NUF2: variants seen among roughly 807,000 people sequenced by gnomAD.
NUF2 encodes the protein NUF2 component of NDC80 kinetochore complex, also known as kinetochore protein Nuf2.
Under a neutral mutation model 61.8 loss-of-function variants are expected in NUF2, and 34 were observed. The ratio of observed to expected loss-of-function variants is 0.55; its 90% CI spans 0.42 to 0.73. NUF2 has a LOEUF of 0.73. NUF2 is among the 30% of genes least tolerant of loss of function. The pLI is 0.00. For missense variants in NUF2, 445 were observed against 539.1 expected (o/e 0.83, Z 1.73); for synonymous variants, 172 against 181.6 (o/e 0.95, Z 0.42).
intron 3 of NUF2, chr1:163,327,836 T>C (rs962699187): frequency 1.7e-5 from 7 of 403,768 alleles, no homozygotes; most frequent in Non-Finnish European, 2.6e-5. Context: ...TATAGATTTA[T>C]AGGTTTGTTT....
intron 1 of NUF2, among the ~76,000 whole-genome samples, chr1:163,325,414 T>C (rs1650384609): frequency 6.6e-6 from 1 of 152,194 alleles, no homozygotes; most frequent in African/African-American, 2.4e-5. Context: ...TAGGAATAAC[T>C]CACTACGTGA....
rs1488539668 is a variant in NUF2 at position 163,342,061 on chromosome 1, T to C, written c.669+1635T>C. ...TGTAGTAAAATTTATAGATACGGCC[T>C]TTATGGTTTTTGGCTTTAATTGTGT... On this transcript the variant is annotated intron_variant, in intron 9 of 13. Transcript: ENST00000271452. Among the ~76,000 whole-genome samples, 4 of 152,208 alleles carry C rather than the reference T, an allele frequency of 2.6e-5. No homozygotes were observed. The East Asian group carries it at 5.8e-4, about 22-fold the overall frequency.
intron 1 of NUF2, 43 bp from the exon 2 acceptor site, chr1:163,325,989 C>G (rs573556890): frequency 1.3e-6 from 2 of 1,484,828 alleles, no homozygotes; most frequent in Non-Finnish European, 1.9e-6. Context: ...ATAATGAGAA[C>G]TACTGATCAT....
intron 7 of NUF2, 118 bp downstream of exon 7, chr1:163,338,211 G>C: frequency 1.7e-6 from 1 of 593,388 alleles, no homozygotes. Flanking sequence ...TTAATAAATA[G>C]CAGAGTATTT....
At chr1:163,338,212 C>G in intron 7 of NUF2, 119 bp downstream of exon 7, 1 of 598,540 alleles carries the variant, frequency 1.7e-6, no homozygotes, top group Non-Finnish European at 2.8e-6. Flanking sequence ...TAATAAATAG[C>G]AGAGTATTTG....
chr1:163,355,407 T>A lies in NUF2; in HGVS notation c.1333T>A (p.Tyr445Asn). ...DGIEKAAEDSYAKIDEKTAEL... is the reference protein window; with the variant it reads ...DGIEKAAEDSNAKIDEKTAEL... Reference sequence around the variant, plus strand: ...TATTGAAAAGGCAGCAGAGGACTCCTATGCTAAGATAGATGAGAAGACAGC... The same window carrying A: ...TATTGAAAAGGCAGCAGAGGACTCCAATGCTAAGATAGATGAGAAGACAGC... The change falls in exon 14 of 14, where the codon TAT becomes AAT. Residue 445 changes from tyrosine to asparagine, a missense_variant. Physicochemically the swap from Tyr to Asn is moderately radical, Grantham distance 143. Coordinates refer to ENST00000271452, the MANE Select transcript of NUF2 (RefSeq NM_145697.3). The A allele has an allele frequency of 6.2e-7, 1 of 1,609,094 alleles. No homozygotes were observed. The highest frequency in any genetic ancestry group is 8.5e-7 in the Non-Finnish European group (1 of 1,177,184).
Position 163,328,311 on chromosome 1 carries a change from A to ACT in NUF2, c.275+7_275+8insCT. On this transcript the variant is annotated splice_region_variant and intron_variant, in intron 4 of 13. Transcript: ENST00000271452. ...GCAATTTAGTTACTCATCTGTGAGT[A>ACT]AAGAGTGATTTTATTGTCTTCGTCT... 6.4e-7 allele frequency: 1 copy of ACT among 1,553,126 alleles called. No individual in the cohort carries two copies. The highest frequency in any genetic ancestry group is 8.9e-7 in the Non-Finnish European group (1 of 1,129,204).
At chr1:163,338,758 C>G (rs762032644) in intron 7 of NUF2, among the ~76,000 whole-genome samples, 8 of 152,008 alleles carry the variant, frequency 5.3e-5, no homozygotes, top group Non-Finnish European at 8.8e-5. Flanking sequence ...ATATTTGCAG[C>G]ACATGCCACA....
At chr1:163,341,901 A>G (rs1650959442) in intron 9 of NUF2, among the ~76,000 whole-genome samples, 1 of 152,162 alleles carries the variant, frequency 6.6e-6, no homozygotes, top group South Asian at 2.1e-4. Context: ...AAGTGCCAGG[A>G]TTACAGGTGT....
rs766162853 is a variant in NUF2, at chr1:163,328,303, C to A, written c.274C>A (p.Leu92Met). ...FLPFSNLVTH[L>M]DSFLPICRVN... The stretch of plus-strand genomic sequence containing the variant: ...ACCATTCAGCAATTTAGTTACTCAT[C>A]TGTGAGTAAAGAGTGATTTTATTGT... Residue 92 changes from leucine to methionine, a missense_variant and splice_region_variant, in exon 4 of 14, where the codon CTG becomes ATG. Transcript: ENST00000271452. The A allele has an allele frequency of 1.9e-6, 3 of 1,565,890 alleles. No individual in the cohort carries two copies. In the South Asian group the frequency reaches 3.4e-5, roughly 18 times the overall value.
intron 1 of NUF2, among the ~76,000 whole-genome samples, chr1:163,325,523 C>T (rs999228229): frequency 2.2e-4 from 34 of 151,962 alleles, no homozygotes; most frequent in Admixed American, 2.6e-4. Flanking sequence ...AGTTTTTTTT[C>T]TCTCTTCTAT....
chr1:163,341,189 C>A (rs1160487240), intron 9 of NUF2, among the ~76,000 whole-genome samples: 3 of 151,934 alleles, frequency 2.0e-5, no homozygotes, highest in Non-Finnish European at 4.4e-5. Flanking sequence ...AAAAAAAAAT[C>A]TCATTTTATT....
intron 9 of NUF2, 139 bp from the exon 10 acceptor site, chr1:163,343,594 T>C (rs1651018815): frequency 5.3e-6 from 2 of 377,040 alleles, no homozygotes. Flanking sequence ...AGCAATTAAG[T>C]AGGTAAGTGA....
chr1:163,324,900 C>CTTTTTTTTT (rs67548511), intron 1 of NUF2, among the ~76,000 whole-genome samples: 1 of 122,974 alleles, frequency 8.1e-6, no homozygotes, highest in African/African-American at 3.0e-5. Context: ...TCTTTTCTTT[C>CTTTTTTTTT]TTTTTTTTTT....
At chr1:163,347,088 T>C (rs1651159666) in intron 11 of NUF2, among the ~76,000 whole-genome samples, 1 of 152,216 alleles carries the variant, frequency 6.6e-6, no homozygotes, top group Non-Finnish European at 1.5e-5. Flanking sequence ...TTGGAAATGA[T>C]CTTAGCATCA....
At position 163,328,222 on chromosome 1, in the gene NUF2, A is replaced by C. The variant is rs775814729; in HGVS notation, c.199-6A>C. 1 of 1,597,354 alleles carries C rather than the reference A, an allele frequency of 6.3e-7. No individual in the cohort carries two copies. Among genetic ancestry groups the C allele is most frequent in the Non-Finnish European group, 8.5e-7 (1 of 1,169,906 alleles). On this transcript the variant is annotated splice_polypyrimidine_tract_variant and splice_region_variant and intron_variant, in intron 3 of 13. Coordinates refer to ENST00000271452, the MANE Select transcript of NUF2 (RefSeq NM_145697.3). Reference sequence around the variant, plus strand: ...TAATGTCGATTTTGTGGTTTATTGCATTTAGATGCCAGTGAACTCTGAAGT... The same window carrying C: ...TAATGTCGATTTTGTGGTTTATTGCCTTTAGATGCCAGTGAACTCTGAAGT...
Position 163,348,929 on chromosome 1 carries a change from C to T in NUF2, c.1125-16C>T, listed in dbSNP as rs749151071. On this transcript the variant is annotated splice_polypyrimidine_tract_variant and intron_variant, in intron 12 of 13. Transcript: ENST00000271452. Reference sequence around the variant, plus strand: ...CTGAAGAGGATTAAATATTAGCTGTCTCGATTTTCTTTCAGGGATTGCAAT... The same window carrying T: ...CTGAAGAGGATTAAATATTAGCTGTTTCGATTTTCTTTCAGGGATTGCAAT... The T allele has an allele frequency of 1.1e-5, 17 of 1,598,948 alleles. 1 individual carries two copies. The South Asian group carries it at 1.8e-4, about 17-fold the overall frequency.
chr1:163,350,878 T>C (rs967184943), intron 13 of NUF2, among the ~76,000 whole-genome samples: 1 of 152,204 alleles, frequency 6.6e-6, no homozygotes, highest in African/African-American at 2.4e-5. Flanking sequence ...CAAGCTGTTC[T>C]ACTAGGGCAG....
At chr1:163,340,483 T>G (rs2101680776) in intron 9 of NUF2, 57 bp downstream of exon 9, 2 of 1,280,030 alleles carry the variant, frequency 1.6e-6, no homozygotes, top group East Asian at 4.8e-5. Flanking sequence ...TGTGGAGGAG[T>G]ATTTTAGCTG....
Sources: gnomAD v4.1 joint callset for allele counts (sites outside exome capture counted in the v4.1 genomes callset) on GRCh38, gnomAD v4.1.1 for gene constraint, MANE v1.5 for transcripts, NCBI Gene and HGNC (gene_info 2026-07-23, HGNC 2026-07-21) for gene names.